The following CCBE1 variants were observed in gnomAD, a reference collection of about 807,000 sequenced individuals.
The protein encoded by CCBE1 is collagen and calcium-binding EGF domain-containing protein 1.
A neutral mutation model predicts 50.0 loss-of-function variants in CCBE1; 37 were observed. The observed-to-expected ratio is 0.74, with a 90% CI of 0.57 to 0.97. The LOEUF is 0.97. Ranked by LOEUF, CCBE1 falls within the 50% of genes least tolerant of loss-of-function variation. The pLI is 0.00. For synonymous variants in CCBE1, 234 were observed against 203.7 expected (o/e 1.15, Z -1.27); for missense variants, 538 against 523.8 (o/e 1.03, Z -0.26).
chr18:59,610,351 A>G (rs2053551950), intron 2 of CCBE1, among the ~76,000 whole-genome samples: 1 of 152,160 alleles, frequency 6.6e-6, no homozygotes, highest in Non-Finnish European at 1.5e-5. Flanking sequence ...AACGTCCAAG[A>G]ATGGATTTTA....
intron 2 of CCBE1, among the ~76,000 whole-genome samples, chr18:59,624,760 T>C (rs568103676): frequency 2.0e-4 from 30 of 152,234 alleles, no homozygotes. Context: ...TTTGGTGACA[T>C]TGGCTAGGTA....
intron 2 of CCBE1, among the ~76,000 whole-genome samples, chr18:59,484,536 C>A (rs145738533): frequency 6.6e-6 from 1 of 152,176 alleles, no homozygotes; most frequent in Non-Finnish European, 1.5e-5. Context: ...GGACTGTCCA[C>A]GCAGTGGAGT....
chr18:59,445,004 C>T (rs974987122), intron 7 of CCBE1, among the ~76,000 whole-genome samples: 7 of 151,974 alleles, frequency 4.6e-5, no homozygotes, highest in African/African-American at 1.4e-4. Context: ...TGTTTTTGCC[C>T]TGTTGATTGT....
At chr18:59,451,047 T>G (rs998914641) in intron 6 of CCBE1, among the ~76,000 whole-genome samples, 1 of 152,170 alleles carries the variant, frequency 6.6e-6, no homozygotes. Context: ...CCACTTCATT[T>G]GGCCATTGTT....
chr18:59,580,810 C>A lies in CCBE1; in HGVS notation c.213-100572G>T, dbSNP rs77408277. ...AAAACTTCCTGTGGAAGAAGTCTAG[C>A]CCATATGTTGATGCCACACATCTGT... On this transcript the variant is annotated intron_variant, in intron 2 of 10. Coordinates refer to ENST00000439986, the MANE Select transcript of CCBE1 (RefSeq NM_133459.4). Among the ~76,000 whole-genome samples, 297 of 152,242 alleles carry A rather than the reference C, an allele frequency of 2.0e-3. 4 individuals are homozygous for A. In the East Asian group the frequency reaches 0.03, roughly 15 times the overall value.
At position 59,696,447 on chromosome 18, in the gene CCBE1, T is replaced by G. The variant is rs1004213814; in HGVS notation, c.212+182A>C. On this transcript the variant is annotated intron_variant, in intron 2 of 10. Transcript: ENST00000439986. ...TAGACGCAAAGTCAGTTGCTCAGTG[T>G]TGCTCTGACTCCGATCCAACCAACC... is the stretch of plus-strand genomic sequence containing the variant. 6.9e-6 allele frequency: 10 copies of G among 1,453,920 alleles called. No individual in the cohort carries two copies. In the African/African-American group the frequency reaches 1.4e-4, roughly 20 times the overall value. The allele number at this position is 1,453,920 out of a possible 1,614,324, so 90.1% of individuals were successfully genotyped here.
At chr18:59,602,539 A>G (rs2053446765) in intron 2 of CCBE1, among the ~76,000 whole-genome samples, 1 of 152,256 alleles carries the variant, frequency 6.6e-6, no homozygotes, top group Admixed American at 6.5e-5. Context: ...TTTAAAAACC[A>G]CATTGAAAAC....
chr18:59,682,614 G>A (rs1265495516), intron 2 of CCBE1, among the ~76,000 whole-genome samples: 2 of 152,170 alleles, frequency 1.3e-5, no homozygotes, highest in African/African-American at 4.8e-5. Context: ...GCTGTAAAAT[G>A]GCTTAGCACC....
intron 2 of CCBE1, among the ~76,000 whole-genome samples, chr18:59,665,080 T>A (rs555546533): frequency 1.3e-5 from 2 of 152,176 alleles, no homozygotes; most frequent in East Asian, 3.9e-4. Context: ...ATGGGAATAA[T>A]CAGATACAAG....
intron 2 of CCBE1, among the ~76,000 whole-genome samples, chr18:59,486,676 A>T (rs536268426): frequency 6.6e-6 from 1 of 152,260 alleles, no homozygotes; most frequent in Non-Finnish European, 1.5e-5. Flanking sequence ...AGGCTTAGAA[A>T]CCAGAAGCAC....
At chr18:59,696,959 G>A (rs2054815298) in intron 1 of CCBE1, among the ~76,000 whole-genome samples, 1 of 152,216 alleles carries the variant, frequency 6.6e-6, no homozygotes, top group African/African-American at 2.4e-5. Context: ...AGCCAGTGTG[G>A]CACCCGGGGG....
At chr18:59,535,292 G>A (rs988661778) in intron 2 of CCBE1, among the ~76,000 whole-genome samples, 1 of 152,138 alleles carries the variant, frequency 6.6e-6, no homozygotes, top group African/African-American at 2.4e-5. Flanking sequence ...CTGAAGGGGA[G>A]GCACTTTTTG....
chr18:59,523,325 G>C (rs555093704), intron 2 of CCBE1, among the ~76,000 whole-genome samples: 4 of 151,370 alleles, frequency 2.6e-5, no homozygotes, highest in Admixed American at 1.3e-4. Context: ...CAGAGAGACA[G>C]TGTGTGGGTT....
At chr18:59,665,437 T>A (rs2054340756) in intron 2 of CCBE1, among the ~76,000 whole-genome samples, 1 of 152,194 alleles carries the variant, frequency 6.6e-6, no homozygotes, top group African/African-American at 2.4e-5. Context: ...AAAATAAGTG[T>A]TGGGTAATCA....
chr18:59,629,029 G>T (rs2053821076), intron 2 of CCBE1, among the ~76,000 whole-genome samples: 1 of 152,122 alleles, frequency 6.6e-6, no homozygotes, highest in Admixed American at 6.6e-5. Context: ...CCCCTAGGAT[G>T]TATGCACAGC....
intron 2 of CCBE1, among the ~76,000 whole-genome samples, chr18:59,694,811 A>G (rs2054783249): frequency 2.6e-5 from 4 of 152,260 alleles, no homozygotes; most frequent in Admixed American, 2.6e-4. Flanking sequence ...AGATCTAAAA[A>G]CAAAATCTAA....
chr18:59,656,039 C>A (rs2054184889), intron 2 of CCBE1, among the ~76,000 whole-genome samples: 1 of 152,156 alleles, frequency 6.6e-6, no homozygotes, highest in African/African-American at 2.4e-5. Flanking sequence ...GTTACCAAAA[C>A]ATGAAGGGGT....
At chr18:59,622,011 T>C (rs2053716783) in intron 2 of CCBE1, among the ~76,000 whole-genome samples, 1 of 152,112 alleles carries the variant, frequency 6.6e-6, no homozygotes, top group Admixed American at 6.5e-5. Context: ...TGCAAAGAAG[T>C]CTGCTTAATG....
chr18:59,435,736 G>T lies in CCBE1; in HGVS notation c.*172C>A. 2 of 713,944 alleles carry T rather than the reference G, an allele frequency of 2.8e-6. No individual in the cohort carries two copies. The highest frequency in any genetic ancestry group is 3.3e-5 in the South Asian group (2 of 61,498). The allele number at this position is 713,944 out of a possible 1,614,324, so 44.2% of individuals were successfully genotyped here. A position where few individuals can be genotyped will look rare whatever the true frequency, so the allele number is the denominator to read the frequency against. ...CCCTCATGTCTGCAGGCCTAGGAGG[G>T]GACTCTGAAAATAGCATCGTATTTG... On this transcript the variant is annotated 3_prime_UTR_variant, in exon 11 of 11. Transcript: ENST00000439986.
Sources: gnomAD v4.1 joint callset for allele counts (sites outside exome capture counted in the v4.1 genomes callset) on GRCh38, gnomAD v4.1.1 for gene constraint, MANE v1.5 for transcripts, NCBI Gene and HGNC (gene_info 2026-07-23, HGNC 2026-07-21) for gene names.